The following BAHD1 variants were observed in gnomAD, a reference collection of about 807,000 sequenced individuals.
BAHD1 encodes bromo adjacent homology domain-containing 1 protein.
Under a neutral mutation model 63.1 loss-of-function variants are expected in BAHD1, and 20 were observed. The observed-to-expected ratio is 0.32, with a 90% confidence interval of 0.22 to 0.46. BAHD1 has a LOEUF of 0.46. BAHD1 is among the 20% of genes least tolerant of loss of function. The probability of loss-of-function intolerance (pLI) is 1.00; values close to 1 mark genes in which losing one functional copy is unlikely to be tolerated. For synonymous variants in BAHD1, 408 were observed against 426.8 expected (o/e 0.96, Z 0.54); for missense variants, 939 against 1,071.8 (o/e 0.88, Z 1.73).
chr15:40,446,222 G>A (rs1206502404), intron 1 of BAHD1, among the ~76,000 whole-genome samples: 1 of 152,238 alleles, frequency 6.6e-6, no homozygotes, highest in Admixed American at 6.5e-5. Context: ...TGCCACTAAT[G>A]ATCAGTAAAA....
At chr15:40,440,622 G>C (rs568998596), upstream of BAHD1, among the ~76,000 whole-genome samples, 1 of 152,164 alleles carries the variant, frequency 6.6e-6, no homozygotes, top group African/African-American at 2.4e-5. Context: ...CGTGGGATAC[G>C]GGCTCAGGTT....
intron 1 of BAHD1, among the ~76,000 whole-genome samples, chr15:40,441,811 C>T (rs1460697694): frequency 1.7e-4 from 26 of 150,564 alleles, no homozygotes; most frequent in African/African-American, 2.7e-4. Context: ...TGGGGGGCGC[C>T]CTCCCGCGCT....
chr15:40,465,890 C>T (rs772866774), intron 6 of BAHD1, 51 bp from the exon 7 acceptor site: 2 of 1,518,346 alleles, frequency 1.3e-6, no homozygotes, highest in South Asian at 1.3e-5. Context: ...AGGAATTGGT[C>T]TTCCTGCAAA....
rs1279851903 is a variant in BAHD1 at position 40,467,315 on chromosome 15, A to T, written c.*1185A>T. 1 of 153,014 alleles carries T rather than the reference A, an allele frequency of 6.5e-6. No homozygotes were observed. The highest frequency in any genetic ancestry group is 6.5e-5 in the Admixed American group (1 of 15,294). The allele number at this position is 153,014 out of a possible 1,614,324, so 9.5% of individuals were successfully genotyped here. ...AGACTAGGCCTTGGCCCTGGCCCTG[A>T]GACTCTGTGAGGGGGCTGGAGCAGC... On this transcript the variant is annotated 3_prime_UTR_variant, in exon 7 of 7. Coordinates refer to ENST00000416165, the MANE Select transcript of BAHD1 (RefSeq NM_014952.5).
chr15:40,458,980 G>A lies in BAHD1; in HGVS notation c.516G>A (p.Arg172=). The stretch of plus-strand genomic sequence containing the variant: ...GGTCCTCCTCCAAGAAGCGGCCCCG[G>A]CTGGGGGACCTTGGAGGAGGAAGTC... ...GGWSSSKKRP[R]LGDLGGGSRD... The change falls in exon 2 of 7, where the codon CGG becomes CGA. Residue 172 remains arginine, a synonymous_variant. Coordinates refer to ENST00000416165, the MANE Select transcript of BAHD1 (RefSeq NM_014952.5). The surrounding 1 kb of genome is among the most constrained non-coding windows in gnomAD (Gnocchi z 4.7). The A allele has an allele frequency of 6.3e-7, 1 of 1,584,614 alleles. No homozygotes were observed. Among genetic ancestry groups the A allele is most frequent in the Non-Finnish European group, 8.6e-7 (1 of 1,163,064 alleles).
At chr15:40,461,349 A>G (rs904972848) in intron 2 of BAHD1, among the ~76,000 whole-genome samples, 2 of 152,186 alleles carry the variant, frequency 1.3e-5, no homozygotes, top group African/African-American at 4.8e-5. Flanking sequence ...TAGAAAATTA[A>G]TATCAGGGCC....
chr15:40,443,612 A>G (rs570317269), intron 1 of BAHD1, among the ~76,000 whole-genome samples: 1 of 152,264 alleles, frequency 6.6e-6, no homozygotes, highest in Admixed American at 6.5e-5. Flanking sequence ...CGGAGAGTTT[A>G]GCCAGTGATT....
rs1170417836 is a variant in BAHD1, at chr15:40,466,199, C to A, written c.*69C>A. The A allele has an allele frequency of 4.7e-5, 70 of 1,486,896 alleles. No individual in the cohort carries two copies. The highest frequency in any genetic ancestry group is 4.2e-4 in the South Asian group (33 of 78,038). 92.1% of individuals were successfully genotyped at this position (1,486,896 alleles called of 1,614,324 possible). On this transcript the variant is annotated 3_prime_UTR_variant, in exon 7 of 7. Transcript: ENST00000416165. ...TCGGGGTAGGGGGCACTGCTTGAAGCACAGCACTTGGTTAGGGGGCCACAG... is the reference window on the plus strand; with the variant it reads ...TCGGGGTAGGGGGCACTGCTTGAAGAACAGCACTTGGTTAGGGGGCCACAG...
intron 1 of BAHD1, among the ~76,000 whole-genome samples, chr15:40,448,087 C>T (rs566621207): frequency 6.6e-6 from 1 of 152,036 alleles, no homozygotes; most frequent in South Asian, 2.1e-4. Flanking sequence ...ACTAAAAATA[C>T]AAAAATTAGC....
chr15:40,453,425 G>T (rs753315576), intron 1 of BAHD1: 9 of 152,232 alleles, frequency 5.9e-5, no homozygotes, highest in African/African-American at 2.2e-4. Context: ...TTCTCTGATA[G>T]AAGATTCAAG....
chr15:40,452,982 G>A (rs1424993692), intron 1 of BAHD1, among the ~76,000 whole-genome samples: 1 of 152,184 alleles, frequency 6.6e-6, no homozygotes, highest in African/African-American at 2.4e-5. Context: ...GCAAAGTTCA[G>A]GTGCAAGCTT....
At chr15:40,460,040 C>T (rs573402282) in intron 2 of BAHD1, 144 bp downstream of exon 2, 48 of 1,080,372 alleles carry the variant, frequency 4.4e-5, no homozygotes, top group South Asian at 2.1e-4. Context: ...TGAGAACTCC[C>T]GTAGTCTGTG....
Position 40,458,644 on chromosome 15 carries a change from C to T in BAHD1, c.180C>T (p.Arg60=), listed in dbSNP as rs1352176274. The change falls in exon 2 of 7, where the codon CGC becomes CGT. Residue 60 remains arginine (R), a synonymous_variant. Coordinates refer to ENST00000416165, the MANE Select transcript of BAHD1 (RefSeq NM_014952.5). This position sits in a 1 kb window ranked among gnomAD's most constrained non-coding sequence, Gnocchi z 4.7. ...GRRKNYPLRK[R]PLVPEKPKAC... The stretch of plus-strand genomic sequence containing the variant: ...GCAAGAATTACCCACTTCGTAAGCG[C>T]CCATTGGTTCCTGAGAAGCCCAAGG... 3 of 1,613,858 alleles carry T rather than the reference C, an allele frequency of 1.9e-6. No individual in the cohort carries two copies. The highest frequency in any genetic ancestry group is 1.7e-4 in the Middle Eastern group (1 of 6,056).
intron 1 of BAHD1, among the ~76,000 whole-genome samples, chr15:40,448,550 T>G (rs1182428948): frequency 1.3e-5 from 2 of 152,166 alleles, no homozygotes; most frequent in African/African-American, 4.8e-5. Context: ...CTAGCAACTT[T>G]TTATTTTTTA....
intron 1 of BAHD1, among the ~76,000 whole-genome samples, chr15:40,443,967 G>A (rs1393561125): frequency 1.3e-5 from 2 of 152,130 alleles, no homozygotes; most frequent in Non-Finnish European, 2.9e-5. Flanking sequence ...TCCTTAGTCT[G>A]GTTGTTGCTC....
At position 40,458,622 on chromosome 15, in the gene BAHD1, A is replaced by G; in HGVS notation, c.158A>G (p.Lys53Arg). ...ESPGHLTGRR[K>R]NYPLRKRPLV... ...CCAGGTCACCTCACAGGGCGCCGCA[A>G]GAATTACCCACTTCGTAAGCGCCCA... Residue 53 changes from lysine to arginine, a missense_variant, in exon 2 of 7, where the codon AAG becomes AGG. By Grantham distance (26) the Lys-to-Arg change is conservative. Around this residue, in one of 5 missense-constraint regions of BAHD1, gnomAD observed 797 missense variants for 813.3 expected, o/e 0.98. Transcript: ENST00000416165. The surrounding 1 kb of genome is among the most constrained non-coding windows in gnomAD (Gnocchi z 4.7). The G allele has an allele frequency of 1.2e-6, 2 of 1,613,976 alleles. No individual in the cohort carries two copies. Among genetic ancestry groups the G allele is most frequent in the Non-Finnish European group, 1.7e-6 (2 of 1,179,984 alleles).
At chr15:40,443,103 G>T (rs1250684676) in intron 1 of BAHD1, 1 of 196,558 alleles carries the variant, frequency 5.1e-6, no homozygotes, top group Non-Finnish European at 9.2e-6. Flanking sequence ...GGCTGTTTCA[G>T]AATGTGGATT....
chr15:40,456,238 A>T (rs1893846372), intron 1 of BAHD1, among the ~76,000 whole-genome samples: 3 of 152,098 alleles, frequency 2.0e-5, no homozygotes, highest in Non-Finnish European at 4.4e-5. Context: ...TGGGCCTCTC[A>T]AAGTGTGGGG....
chr15:40,459,130 C>T lies in BAHD1; in HGVS notation c.666C>T (p.Pro222=). Reference sequence around the variant, plus strand: ...AACTGAGCCAGGAGCGGGAGCTACCCCTGCGGCTGCCTCGTGCCCATGCAG... The same window carrying T: ...AACTGAGCCAGGAGCGGGAGCTACCTCTGCGGCTGCCTCGTGCCCATGCAG... The part of the protein sequence containing the change: ...FLKLSQEREL[P]LRLPRAHAEV... The change falls in exon 2 of 7, where the codon CCC becomes CCT. Residue 222 remains proline (P), a synonymous_variant. Coordinates refer to ENST00000416165, the MANE Select transcript of BAHD1 (RefSeq NM_014952.5). 1.2e-6 allele frequency: 2 copies of T among 1,613,106 alleles called. No homozygotes were observed. The highest frequency in any genetic ancestry group is 1.7e-6 in the Non-Finnish European group (2 of 1,179,950).
Sources: gnomAD v4.1 joint callset for allele counts (sites outside exome capture counted in the v4.1 genomes callset) on GRCh38, gnomAD v4.1.1 for gene constraint, gnomAD v4.1.1 regional missense constraint, Gnocchi (gnomAD v3.1) non-coding constraint, MANE v1.5 for transcripts, NCBI Gene and HGNC (gene_info 2026-07-23, HGNC 2026-07-21) for gene names.